The following KLHL13 variants were observed in gnomAD, a reference collection of about 807,000 sequenced individuals.
The protein encoded by KLHL13 is kelch-like protein 13.
In KLHL13, 10 loss-of-function variants were observed where a neutral mutation model predicts 37.1. The ratio of observed to expected loss-of-function variants is 0.27; its 90% CI spans 0.17 to 0.46. The LOEUF is 0.46. Among genes scored for constraint, KLHL13 ranks in the 20% least tolerant of loss-of-function variants. The probability of loss-of-function intolerance (pLI) is 1.00; values close to 1 mark genes in which losing one functional copy is unlikely to be tolerated. For missense variants in KLHL13, 360 were observed against 509.3 expected, an observed-to-expected ratio of 0.71 and a Z score of 2.82; for synonymous variants, 163 against 181.2, an observed-to-expected ratio of 0.90 and a Z score of 0.81.
At chrX:118,039,887 A>AAG (rs985093510) in intron 1 of KLHL13, among the ~76,000 whole-genome samples, 1 of 110,671 alleles carries the variant, frequency 9.0e-6, no homozygotes, top group Non-Finnish European at 1.9e-5. Flanking sequence ...CAACTCAGAA[A>AAG]AGAGAGAGAG....
chrX:117,991,866 TCTCTCTCTCTCTCTCTC>T (rs1451661330), intron 1 of KLHL13, among the ~76,000 whole-genome samples: 2 of 105,989 alleles, frequency 1.9e-5, no homozygotes, highest in African/African-American at 6.9e-5. Context: ...TCTCTCTCTC[TCTCTCTCTCTCTCTCTC>T]TCTCTCTCTC....
intron 1 of KLHL13, among the ~76,000 whole-genome samples, chrX:118,045,300 G>A (rs2054547101): frequency 9.3e-6 from 1 of 107,731 alleles, no homozygotes; most frequent in South Asian, 4.3e-4. Context: ...CGTGAACCTG[G>A]GAGGTGGAGC....
intron 1 of KLHL13, among the ~76,000 whole-genome samples, chrX:118,109,860 G>C (rs1261692881): frequency 2.7e-5 from 3 of 111,084 alleles, no homozygotes; most frequent in African/African-American, 9.8e-5. Flanking sequence ...GTAATTACTG[G>C]CAACCCCACA....
chrX:117,936,757 A>G (rs1413205211), intron 2 of KLHL13, among the ~76,000 whole-genome samples: 1 of 111,325 alleles, frequency 9.0e-6, no homozygotes, highest in African/African-American at 3.3e-5. Context: ...TGGTATACCC[A>G]TAACTTCTGA....
intron 1 of KLHL13, among the ~76,000 whole-genome samples, chrX:118,081,091 T>C (rs1186961755): frequency 1.8e-5 from 2 of 110,944 alleles, no homozygotes; most frequent in Non-Finnish European, 3.8e-5. Flanking sequence ...ATCGAAACAA[T>C]AGACACTGTG....
At chrX:117,973,325 T>G (rs1368672478) in exon 1 of KLHL13, 8 of 971,051 alleles carry the variant, frequency 8.2e-6, no homozygotes, top group Non-Finnish European at 1.1e-5. Context: ...CAGAATACAC[T>G]TGTCATCCTC....
intron 1 of KLHL13, among the ~76,000 whole-genome samples, chrX:118,098,940 G>A (rs1171362397): frequency 2.7e-5 from 2 of 75,419 alleles, no homozygotes; most frequent in Non-Finnish European, 5.0e-5. Flanking sequence ...TGGGGGAAGG[G>A]GGGTGGGGGA....
Position 118,101,636 on chromosome X carries a change from GCT to G in KLHL13, c.-56+14870_-56+14871del, listed in dbSNP as rs199842938. 9.1e-3 allele frequency among the ~76,000 whole-genome samples: 1,009 copies of G among 111,291 alleles called. 13 individuals carry two copies. Among genetic ancestry groups the G allele is most frequent in the African/African-American group, 0.031 (953 of 30,601 alleles). Reference sequence around the variant, plus strand: ...TTAGGATGAGTAGTGATATCGTTTGGCTCTGTGTCCCCACCCAAATCTCATCT... The same window carrying G: ...TTAGGATGAGTAGTGATATCGTTTGGCTGTGTCCCCACCCAAATCTCATCT... On this transcript the variant is annotated intron_variant, in intron 1 of 6. Coordinates refer to the KLHL13 transcript ENST00000371882.
chrX:117,985,539 A>G (rs960966473), intron 1 of KLHL13: 15 of 162,670 alleles, frequency 9.2e-5, no homozygotes, highest in African/African-American at 4.5e-4. Flanking sequence ...TCATATCTAA[A>G]CTGCTGGCCA....
At chrX:117,964,972 T>C (rs1225170417) in intron 1 of KLHL13, among the ~76,000 whole-genome samples, 1 of 112,035 alleles carries the variant, frequency 8.9e-6, no homozygotes, top group African/African-American at 3.3e-5. Context: ...CACATTTTCT[T>C]AATCCGGTCT....
chrX:118,107,431 G>T (rs192134333), intron 1 of KLHL13, among the ~76,000 whole-genome samples: 14 of 111,714 alleles, frequency 1.3e-4, no homozygotes, highest in Admixed American at 3.8e-4. Flanking sequence ...TATAAACAAA[G>T]AAGACACACA....
At chrX:118,096,832 T>A (rs1240900925) in intron 1 of KLHL13, among the ~76,000 whole-genome samples, 1 of 111,652 alleles carries the variant, frequency 9.0e-6, no homozygotes, top group Non-Finnish European at 1.9e-5. Flanking sequence ...AAAAACCACA[T>A]GATTATCTCA....
At chrX:117,975,868 T>C (rs2053592278), upstream of KLHL13, among the ~76,000 whole-genome samples, 1 of 111,975 alleles carries the variant, frequency 8.9e-6, no homozygotes. Context: ...CAAGTGAAGA[T>C]CATTTTATTG....
chrX:118,047,392 C>A (rs1295000200), intron 1 of KLHL13, among the ~76,000 whole-genome samples: 1 of 111,814 alleles, frequency 8.9e-6, no homozygotes. Context: ...CCTCAGGCAA[C>A]TGATAAACTA....
chrX:117,972,132 C>A (rs778904200), intron 1 of KLHL13, among the ~76,000 whole-genome samples: 2 of 111,830 alleles, frequency 1.8e-5, no homozygotes, highest in Non-Finnish European at 1.9e-5. Context: ...CTTTTTCAAT[C>A]CCCATAATAT....
chrX:118,041,221 A>G (rs1186165592), intron 1 of KLHL13, among the ~76,000 whole-genome samples: 1 of 112,479 alleles, frequency 8.9e-6, no homozygotes, highest in Non-Finnish European at 1.9e-5. Context: ...TAAACAGTAT[A>G]ACAAGATATA....
intron 1 of KLHL13, among the ~76,000 whole-genome samples, chrX:118,049,181 T>C (rs759400203): frequency 8.9e-6 from 1 of 111,864 alleles, no homozygotes; most frequent in East Asian, 2.8e-4. Context: ...TGATGCTATA[T>C]AAAAGAAATT....
chrX:118,090,673 G>A (rs1210257323), intron 1 of KLHL13, among the ~76,000 whole-genome samples: 201 of 109,946 alleles, frequency 1.8e-3, no homozygotes, highest in African/African-American at 6.2e-3. Flanking sequence ...CTTTTACACT[G>A]TTGGTGGGAC....
chrX:118,059,140 T>G (rs766011946), intron 1 of KLHL13, among the ~76,000 whole-genome samples: 45 of 111,637 alleles, frequency 4.0e-4, no homozygotes, highest in Non-Finnish European at 7.9e-4. Context: ...TAGAAGCAAA[T>G]AGTTCTACAA....
Sources: allele counts gnomAD v4.1 joint callset (sites outside exome capture counted in the v4.1 genomes callset), GRCh38; gene constraint gnomAD v4.1.1; transcripts MANE v1.5; gene names NCBI Gene and HGNC (gene_info 2026-07-23, HGNC 2026-07-21).